Variants in DIP2C observed in about 807,000 individuals in gnomAD.
DIP2C encodes disco-interacting protein 2 homolog C.
A neutral mutation model predicts 192.4 loss-of-function variants in DIP2C; 33 were observed. That is an observed-to-expected ratio of 0.17 (90% CI 0.13 to 0.23). The LOEUF (loss-of-function observed/expected upper bound fraction) is 0.23, where lower values mean the gene tolerates loss of function less well. DIP2C is among the 10% of genes least tolerant of loss of function. DIP2C has a pLI of 1.00. For missense variants in DIP2C, 1,537 were observed against 2,110.1 expected (o/e 0.73, Z 5.32); for synonymous variants, 979 against 864.1 (o/e 1.13, Z -2.33).
intron 1 of DIP2C, among the ~76,000 whole-genome samples, chr10:564,537 G>A (rs1849365574): frequency 6.6e-6 from 1 of 152,164 alleles, no homozygotes; most frequent in Non-Finnish European, 1.5e-5. Context: ...AGAGCTAAGG[G>A]TGTCCACACA....
intron 24 of DIP2C, among the ~76,000 whole-genome samples, chr10:355,164 CAGA>C (rs1358068289): frequency 6.6e-6 from 1 of 152,122 alleles, no homozygotes; most frequent in Non-Finnish European, 1.5e-5. Context: ...GAACGAGGGC[CAGA>C]AGGTGGTGGC....
chr10:410,200 G>A (rs1188571304), intron 8 of DIP2C, among the ~76,000 whole-genome samples: 1 of 152,204 alleles, frequency 6.6e-6, no homozygotes, highest in Non-Finnish European at 1.5e-5. Context: ...ATGAGAACGT[G>A]AAGAGAATGA....
chr10:291,286 G>T (rs559236475), intron 32 of DIP2C, among the ~76,000 whole-genome samples: 17 of 152,338 alleles, frequency 1.1e-4, no homozygotes, highest in African/African-American at 2.9e-4. Flanking sequence ...TTGAAAACAC[G>T]GAAGATCATC....
intron 26 of DIP2C, among the ~76,000 whole-genome samples, chr10:348,140 A>G (rs558650023): frequency 6.6e-6 from 1 of 152,382 alleles, no homozygotes; most frequent in South Asian, 2.1e-4. Flanking sequence ...TGTGGGTAGG[A>G]CAGGTGCATT....
At chr10:395,464 C>T (rs1031840623) in intron 10 of DIP2C, among the ~76,000 whole-genome samples, 4 of 152,164 alleles carry the variant, frequency 2.6e-5, no homozygotes, top group Non-Finnish European at 4.4e-5. Flanking sequence ...AATCAAGTCA[C>T]GGTGTCTTTA....
chr10:472,293 G>C, intron 3 of DIP2C, 146 bp downstream of exon 3: 1 of 617,700 alleles, frequency 1.6e-6, no homozygotes, highest in Non-Finnish European at 2.8e-6. Flanking sequence ...CTCCCGAGAG[G>C]GTGTGTCCGT....
chr10:283,244 G>T lies in DIP2C; in HGVS notation c.4294+28C>A, dbSNP rs752219612. ...GCCTAACCTCTCTGCCCATCTGTTG[G>T]GGGGGGGCCGCCAGCCTGGACTCTC... On this transcript the variant is annotated intron_variant, in intron 35 of 36. Coordinates refer to ENST00000280886, the MANE Select transcript of DIP2C (RefSeq NM_014974.3). 26 of 1,443,738 alleles carry T rather than the reference G, an allele frequency of 1.8e-5. No homozygotes were observed. The African/African-American group carries it at 2.4e-4, about 13-fold the overall frequency. The allele number at this position is 1,443,738 out of a possible 1,614,324, so 89.4% of individuals were successfully genotyped here.
chr10:405,824 G>A (rs1390694776), intron 9 of DIP2C, among the ~76,000 whole-genome samples: 2 of 152,148 alleles, frequency 1.3e-5, no homozygotes, highest in Admixed American at 1.3e-4. Flanking sequence ...TCCCCTCCAG[G>A]GCTCCTCACA....
chr10:491,808 G>A (rs17159588), intron 1 of DIP2C, among the ~76,000 whole-genome samples: 3,422 of 152,324 alleles, frequency 0.022, 128 homozygotes, highest in African/African-American at 0.077. Flanking sequence ...CATGAGAGAC[G>A]TCCAAGTTGA....
chr10:350,210 T>G (rs764205805), intron 24 of DIP2C, among the ~76,000 whole-genome samples: 3 of 152,018 alleles, frequency 2.0e-5, no homozygotes, highest in Non-Finnish European at 4.4e-5. Flanking sequence ...CAGCCCCAAG[T>G]AGCTGGGACT....
At chr10:466,078 C>G (rs1241834210) in intron 3 of DIP2C, among the ~76,000 whole-genome samples, 1 of 147,984 alleles carries the variant, frequency 6.8e-6, no homozygotes, top group Non-Finnish European at 1.5e-5. Flanking sequence ...CCCGCATCAC[C>G]AAGTCAATCC....
At chr10:609,342 T>TC (rs1852900681) in intron 1 of DIP2C, among the ~76,000 whole-genome samples, 1 of 152,226 alleles carries the variant, frequency 6.6e-6, no homozygotes, top group South Asian at 2.1e-4. Context: ...AGAAACTTTT[T>TC]CTCAATAGTA....
At chr10:540,194 A>G (rs1387560424) in intron 1 of DIP2C, among the ~76,000 whole-genome samples, 1 of 152,252 alleles carries the variant, frequency 6.6e-6, no homozygotes, top group African/African-American at 2.4e-5. Flanking sequence ...TAAAGTCAAC[A>G]ATGTTCAAAT....
chr10:483,314 C>T (rs1028779974), intron 2 of DIP2C, among the ~76,000 whole-genome samples: 6 of 152,252 alleles, frequency 3.9e-5, no homozygotes, highest in Non-Finnish European at 8.8e-5. Flanking sequence ...ATGTTTTCCA[C>T]GAAGATCCTG....
At chr10:472,972 G>T (rs77361506) in intron 2 of DIP2C, among the ~76,000 whole-genome samples, 2,949 of 152,274 alleles carry the variant, frequency 0.019, 78 homozygotes, top group African/African-American at 0.061. Flanking sequence ...TAAAGTAATT[G>T]TTAAAATAAA....
chr10:277,382 C>A lies in DIP2C; in HGVS notation c.4614G>T (p.Leu1538=). The A allele has an allele frequency of 6.2e-7, 1 of 1,614,202 alleles. No individual in the cohort carries two copies. Among genetic ancestry groups the A allele is most frequent in the Non-Finnish European group, 8.5e-7 (1 of 1,180,040 alleles). ...GCTGGTCTGCCAAAAACCCGTCTCG[C>A]AGGTGCATGCGCTGCTTCTCCCCAC... The part of the protein sequence containing the change: ...NSRGEKQRMH[L]RDGFLADQLD... Residue 1538 remains leucine, a synonymous_variant, in exon 37 of 37, where the codon CTG becomes CTT. Transcript: ENST00000280886.
chr10:395,518 C>T (rs1037113148), intron 10 of DIP2C, among the ~76,000 whole-genome samples: 3 of 152,220 alleles, frequency 2.0e-5, no homozygotes, highest in Non-Finnish European at 4.4e-5. Context: ...TGTACTTCAC[C>T]TGTGAAATCA....
chr10:411,591 C>A (rs1311863350), intron 8 of DIP2C, among the ~76,000 whole-genome samples: 1 of 152,024 alleles, frequency 6.6e-6, no homozygotes, highest in African/African-American at 2.4e-5. Context: ...CCAAGTTACT[C>A]AGTATTAGAA....
At chr10:393,793 A>AG (rs1213278526) in intron 10 of DIP2C, among the ~76,000 whole-genome samples, 9 of 134,950 alleles carry the variant, frequency 6.7e-5, no homozygotes, top group Admixed American at 5.1e-4. Flanking sequence ...AAAAAAAAAA[A>AG]AAAGAAAAAA....
Sources: allele counts gnomAD v4.1 joint callset (sites outside exome capture counted in the v4.1 genomes callset), GRCh38; gene constraint gnomAD v4.1.1; transcripts MANE v1.5; gene names NCBI Gene and HGNC (gene_info 2026-07-23, HGNC 2026-07-21).